Variants in PRKCE observed in about 807,000 individuals in gnomAD.
The protein encoded by PRKCE is protein kinase C epsilon type.
In PRKCE, 16 loss-of-function variants were observed where a neutral mutation model predicts 85.4. The observed-to-expected ratio is 0.19, with a 90% CI of 0.13 to 0.28. PRKCE has a LOEUF of 0.28. Ranked by LOEUF, PRKCE falls within the 10% of genes least tolerant of loss-of-function variation. The pLI, the probability that PRKCE is intolerant of heterozygous loss-of-function variation, is 1.00. For synonymous variants in PRKCE, 388 were observed against 371.5 expected, an observed-to-expected ratio of 1.04 and a Z score of -0.51; for missense variants, 573 against 975.2, an observed-to-expected ratio of 0.59 and a Z score of 5.49.
chr2:46,029,510 C>T (rs1476159544), intron 10 of PRKCE, among the ~76,000 whole-genome samples: 2 of 152,078 alleles, frequency 1.3e-5, no homozygotes, highest in Non-Finnish European at 2.9e-5. Context: ...TGTTCACTGC[C>T]CCCACTAACG....
intron 1 of PRKCE, among the ~76,000 whole-genome samples, chr2:45,691,564 C>T (rs1334944062): frequency 1.3e-5 from 2 of 152,234 alleles, no homozygotes; most frequent in African/African-American, 4.8e-5. Flanking sequence ...AAAAGGCTTT[C>T]AGTTCAGGCA....
At chr2:45,714,062 C>A (rs956320495) in intron 1 of PRKCE, among the ~76,000 whole-genome samples, 1 of 152,180 alleles carries the variant, frequency 6.6e-6, no homozygotes, top group Non-Finnish European at 1.5e-5. Context: ...ATTTCATGAA[C>A]AGAGCATTTT....
At position 46,007,527 on chromosome 2, in the gene PRKCE, C is replaced by T. The variant is rs1262668088; in HGVS notation, c.1129C>T (p.Arg377Trp). 5.6e-6 allele frequency: 9 copies of T among 1,599,766 alleles called. No homozygotes were observed. The highest frequency in any genetic ancestry group is 1.7e-5 in the Admixed American group (1 of 60,032). Residue 377 changes from arginine (R) to tryptophan (W), a missense_variant, in exon 9 of 15, where the codon CGG becomes TGG. This residue lies in a region of PRKCE where 117 missense variants were observed against 104.8 expected (regional missense o/e 1.12). Transcript: ENST00000306156. ...LSFDNRGEEH[R>W]AASSPDGQLM... ...ATTTGACAACCGAGGAGAGGAGCAC[C>T]GGGCAGCATCGTCTCCTGATGGCCA...
chr2:46,095,074 T>C (rs1446364402), intron 11 of PRKCE, among the ~76,000 whole-genome samples: 1 of 152,188 alleles, frequency 6.6e-6, no homozygotes, highest in African/African-American at 2.4e-5. Flanking sequence ...TTCTAGAAAA[T>C]GTATTACTTA....
intron 1 of PRKCE, among the ~76,000 whole-genome samples, chr2:45,827,945 TCTTTTTTC>T (rs1690083617): frequency 6.6e-6 from 1 of 152,228 alleles, no homozygotes; most frequent in Admixed American, 6.5e-5. Context: ...TTTCTTTTTT[TCTTTTTTC>T]CTGTCTTATA....
At chr2:45,997,189 T>C (rs2104696827) in intron 6 of PRKCE, among the ~76,000 whole-genome samples, 1 of 152,292 alleles carries the variant, frequency 6.6e-6, no homozygotes, top group African/African-American at 2.4e-5. Context: ...ATAATTTGTG[T>C]CTTCTCTTTC....
intron 1 of PRKCE, among the ~76,000 whole-genome samples, chr2:45,797,429 C>G (rs1687530132): frequency 6.6e-6 from 1 of 152,248 alleles, no homozygotes; most frequent in African/African-American, 2.4e-5. Context: ...GACCCAGTTC[C>G]ATGGTGCACC....
intron 1 of PRKCE, among the ~76,000 whole-genome samples, chr2:45,679,928 A>G (rs907662086): frequency 8.5e-5 from 13 of 152,192 alleles, no homozygotes; most frequent in Admixed American, 2.0e-4. Context: ...TCTCTTCTAA[A>G]CCTAGGCTCT....
intron 1 of PRKCE, among the ~76,000 whole-genome samples, chr2:45,725,686 C>G (rs1681002435): frequency 6.6e-6 from 1 of 152,094 alleles, no homozygotes; most frequent in Admixed American, 6.5e-5. Context: ...TAAAAATTAG[C>G]TGGGCGTGGT....
rs1680961886 is a variant in PRKCE at position 45,725,288 on chromosome 2, TTTCAAAATGTTACTG to T, written c.348+72845_348+72859del. 2.0e-5 allele frequency among the ~76,000 whole-genome samples: 3 copies of T among 152,318 alleles called. No homozygotes were observed. The South Asian group carries it at 6.2e-4, about 32-fold the overall frequency. ...TGAGACCTGCTCAGAAAAAGATTTCTTTCAAAATGTTACTGTTCATTGACAGTGCACCTAGTCAAC... is the reference window on the plus strand; with the variant it reads ...TGAGACCTGCTCAGAAAAAGATTTCTTTCATTGACAGTGCACCTAGTCAAC... On this transcript the variant is annotated intron_variant, in intron 1 of 14. Coordinates refer to ENST00000306156, the MANE Select transcript of PRKCE (RefSeq NM_005400.3).
chr2:46,112,105 A>G (rs970659888), intron 11 of PRKCE, among the ~76,000 whole-genome samples: 1 of 152,152 alleles, frequency 6.6e-6, no homozygotes, highest in Non-Finnish European at 1.5e-5. Flanking sequence ...GGATATTTAG[A>G]TCATCTTGAG....
chr2:45,805,145 TTTATC>T (rs1232093195), intron 1 of PRKCE, among the ~76,000 whole-genome samples: 1 of 152,204 alleles, frequency 6.6e-6, no homozygotes, highest in African/African-American at 2.4e-5. Context: ...TGAGCACTAA[TTTATC>T]TAATCTTTAC....
chr2:45,844,389 A>C (rs1424639429), intron 2 of PRKCE, among the ~76,000 whole-genome samples: 2 of 152,240 alleles, frequency 1.3e-5, no homozygotes, highest in South Asian at 2.1e-4. Context: ...TGAACTGCCC[A>C]GAATAGAACC....
chr2:45,799,110 A>G (rs1340047631), intron 1 of PRKCE, among the ~76,000 whole-genome samples: 2 of 151,846 alleles, frequency 1.3e-5, no homozygotes, highest in Admixed American at 6.6e-5. Flanking sequence ...AGCTTGCAGT[A>G]ACCTGAGATC....
At chr2:45,725,622 A>C (rs1680996244) in intron 1 of PRKCE, among the ~76,000 whole-genome samples, 2 of 152,218 alleles carry the variant, frequency 1.3e-5, no homozygotes, top group Admixed American at 1.3e-4. Flanking sequence ...CACGAGGTCA[A>C]GAGATCGAGA....
intron 2 of PRKCE, among the ~76,000 whole-genome samples, chr2:45,878,084 C>A (rs1337300491): frequency 6.6e-6 from 1 of 152,270 alleles, no homozygotes; most frequent in Non-Finnish European, 1.5e-5. Flanking sequence ...GAGCTCCCAT[C>A]TCCTTGGCTG....
In PRKCE at chr2:46,031,446, T is replaced by C. The variant is rs375014886; in HGVS notation, c.1437+20929T>C. Among the ~76,000 whole-genome samples, 8 of 152,270 alleles carry C rather than the reference T, an allele frequency of 5.3e-5. No individual in the cohort carries two copies. The South Asian group carries it at 1.2e-3, about 24-fold the overall frequency. ...TCAGTTCATCCAAATCCCTGTAGCATTTATTAATTTTCCTTCTTTCTTGGC... is the reference window on the plus strand; with the variant it reads ...TCAGTTCATCCAAATCCCTGTAGCACTTATTAATTTTCCTTCTTTCTTGGC... On this transcript the variant is annotated intron_variant, in intron 10 of 14. Transcript: ENST00000306156.
At position 45,880,604 on chromosome 2, in the gene PRKCE, C is replaced by A. The variant is rs540959086; in HGVS notation, c.412+37541C>A. ...TTTTGATTAAGACAGTCTGTTTACT[C>A]CCTGGACAGCAGTGTAAAAGCAGGG... is the stretch of plus-strand genomic sequence containing the variant. On this transcript the variant is annotated intron_variant, in intron 2 of 14. Transcript: ENST00000306156. 5.3e-5 allele frequency among the ~76,000 whole-genome samples: 8 copies of A among 152,234 alleles called. No homozygotes were observed. The East Asian group carries it at 1.2e-3, about 22-fold the overall frequency.
intron 1 of PRKCE, among the ~76,000 whole-genome samples, chr2:45,654,136 G>A (rs201500471): frequency 2.5e-4 from 38 of 152,366 alleles, no homozygotes; most frequent in East Asian, 2.1e-3. Flanking sequence ...TGCAGTGTAT[G>A]CAGATGAGGG....
Sources: gnomAD v4.1 joint callset for allele counts (sites outside exome capture counted in the v4.1 genomes callset) on GRCh38, gnomAD v4.1.1 for gene constraint, gnomAD v4.1.1 regional missense constraint, MANE v1.5 for transcripts, NCBI Gene and HGNC (gene_info 2026-07-23, HGNC 2026-07-21) for gene names.